Variants in RANBP3 observed in about 807,000 individuals in gnomAD.
RANBP3 encodes the protein RAN binding protein 3.
RANBP3 carries 14 observed loss-of-function variants against 77.3 expected under a neutral mutation model. The observed-to-expected ratio is 0.18, with a 90% CI of 0.12 to 0.28. RANBP3 has a LOEUF of 0.28. Among genes scored for constraint, RANBP3 ranks in the 10% least tolerant of loss-of-function variants. The pLI, the probability that RANBP3 is intolerant of heterozygous loss-of-function variation, is 1.00. For missense variants in RANBP3, 586 were observed against 752.3 expected, an observed-to-expected ratio of 0.78 and a Z score of 2.59; for synonymous variants, 315 against 312.4, an observed-to-expected ratio of 1.01 and a Z score of -0.09.
At chr19:5,936,887 C>T (rs908558894) in intron 5 of RANBP3, among the ~76,000 whole-genome samples, 3 of 151,632 alleles carry the variant, frequency 2.0e-5, no homozygotes, top group East Asian at 1.9e-4. Flanking sequence ...CACTAATCAA[C>T]GCGGCAGGGA....
chr19:5,960,701 C>A (rs539012467), intron 1 of RANBP3, among the ~76,000 whole-genome samples: 1 of 152,160 alleles, frequency 6.6e-6, no homozygotes, highest in Non-Finnish European at 1.5e-5. Flanking sequence ...GAGAGGAGTG[C>A]GCGCTGGTGT....
At chr19:5,923,549 C>CG (rs577793017) in intron 12 of RANBP3, among the ~76,000 whole-genome samples, 22 of 152,222 alleles carry the variant, frequency 1.4e-4, no homozygotes, top group African/African-American at 5.1e-4. Context: ...GAGCAGTCGA[C>CG]GGGGGGACAG....
intron 7 of RANBP3, 53 bp from the exon 8 acceptor site, chr19:5,931,584 C>G (rs996070357): frequency 6.4e-7 from 1 of 1,563,404 alleles, no homozygotes; most frequent in Non-Finnish European, 8.7e-7. Flanking sequence ...GCCCTCCCAC[C>G]CCCACTCACA....
intron 13 of RANBP3, among the ~76,000 whole-genome samples, chr19:5,922,723 T>C (rs1393899341): frequency 6.6e-6 from 1 of 152,160 alleles, no homozygotes; most frequent in South Asian, 2.1e-4. Flanking sequence ...GTGGATCACA[T>C]GAGGTCAGGA....
Position 5,931,477 on chromosome 19 carries a change from A to T in RANBP3, c.620T>A (p.Val207Glu). 6.2e-7 allele frequency: 1 copy of T among 1,612,886 alleles called. No individual in the cohort carries two copies. Among genetic ancestry groups the T allele is most frequent in the Non-Finnish European group, 8.5e-7 (1 of 1,179,580 alleles). The change falls in exon 8 of 17, where the codon GTG (valine) becomes GAG (glutamate). Residue 207 changes from valine (V) to glutamate (E), a missense_variant. Val to Glu is a moderately radical substitution (Grantham distance 121, BLOSUM62 -2). Coordinates refer to ENST00000340578, the MANE Select transcript of RANBP3 (RefSeq NM_007322.3). ...VSLPADCTGA[V>E]PAASPDTAAW... ...AGCAGTGTCAGGGGATGCTGCGGGCACTGCCCCCGTGCAGTCTGCTGGGAG... is the reference window on the plus strand; with the variant it reads ...AGCAGTGTCAGGGGATGCTGCGGGCTCTGCCCCCGTGCAGTCTGCTGGGAG...
intron 1 of RANBP3, among the ~76,000 whole-genome samples, chr19:5,970,312 C>A (rs2058515421): frequency 1.3e-5 from 2 of 152,044 alleles, no homozygotes; most frequent in African/African-American, 2.4e-5. Context: ...AGGGTGACCC[C>A]CCACCCTGGC....
intron 14 of RANBP3, among the ~76,000 whole-genome samples, chr19:5,919,764 G>A (rs2057792898): frequency 1.3e-5 from 2 of 152,258 alleles, no homozygotes; most frequent in Admixed American, 1.3e-4. Context: ...AGCCAGGCTT[G>A]GTGGCGGGTG....
At chr19:5,926,068 G>A (rs1336024531) in intron 9 of RANBP3, among the ~76,000 whole-genome samples, 1 of 152,124 alleles carries the variant, frequency 6.6e-6, no homozygotes, top group Admixed American at 6.5e-5. Context: ...ACGTTACAAA[G>A]CTGACGTTTT....
At chr19:5,933,675 A>AAGGGCAGG in intron 5 of RANBP3, 196 bp from the exon 6 acceptor site, 1 of 531,440 alleles carries the variant, frequency 1.9e-6, no homozygotes. Flanking sequence ...GGGGAGAGAC[A>AAGGGCAGG]AGGGCAGGAG....
intron 16 of RANBP3, 22 bp downstream of exon 16, chr19:5,917,772 G>A (rs1390530692): frequency 2.5e-6 from 4 of 1,598,642 alleles, no homozygotes; most frequent in Non-Finnish European, 3.4e-6. Context: ...ATCCCCCCCA[G>A]GGTAGGGACC....
chr19:5,925,235 A>T, intron 10 of RANBP3: 2 of 477,484 alleles, frequency 4.2e-6, no homozygotes, highest in South Asian at 4.3e-5. Flanking sequence ...ACCCCCAGCC[A>T]TGTCAGTCAA....
intron 2 of RANBP3, among the ~76,000 whole-genome samples, chr19:5,953,001 A>G (rs2058293772): frequency 6.6e-6 from 1 of 152,186 alleles, no homozygotes; most frequent in African/African-American, 2.4e-5. Flanking sequence ...TCTAATTAGA[A>G]CCACTTGAAT....
chr19:5,923,619 G>A (rs529151615), intron 12 of RANBP3, among the ~76,000 whole-genome samples, 193 bp downstream of exon 12: 8 of 152,306 alleles, frequency 5.3e-5, no homozygotes, highest in East Asian at 3.9e-4. Context: ...GCCACAAGGC[G>A]ACACAGGCCC....
Position 5,959,269 on chromosome 19 carries a change from G to T in RANBP3, c.23-1296C>A, listed in dbSNP as rs1396272127. The stretch of plus-strand genomic sequence containing the variant: ...TTTAGGTTGAAAGCAAACAGTTTGG[G>T]GAAGGGAGTGAGAGTGGCTGTGGGG... On this transcript the variant is annotated intron_variant, in intron 1 of 16. Coordinates refer to ENST00000340578, the MANE Select transcript of RANBP3 (RefSeq NM_007322.3). The surrounding 1 kb of genome is among the most constrained non-coding windows in gnomAD (Gnocchi z 5.1). Among the ~76,000 whole-genome samples the T allele has an allele frequency of 1.3e-5, 2 of 152,124 alleles. No homozygotes were observed. The highest frequency in any genetic ancestry group is 2.4e-5 in the African/African-American group (1 of 41,416).
Position 5,917,526 on chromosome 19 carries a change from G to T in RANBP3, c.*84C>A. On this transcript the variant is annotated 3_prime_UTR_variant, in exon 17 of 17. Transcript: ENST00000340578. ...TGTGTGGTTCCCGGCCCCGCACCTG[G>T]ACGCTGCCGGTGGGGTGGGGGCGGG... 1 of 1,445,986 alleles carries T rather than the reference G, an allele frequency of 6.9e-7. No individual in the cohort carries two copies. The highest frequency in any genetic ancestry group is 9.2e-7 in the Non-Finnish European group (1 of 1,085,982). The allele number at this position is 1,445,986 out of a possible 1,614,324, so 89.6% of individuals were successfully genotyped here.
intron 8 of RANBP3, among the ~76,000 whole-genome samples, chr19:5,929,588 G>A (rs1359710105): frequency 6.6e-6 from 1 of 152,196 alleles, no homozygotes; most frequent in Non-Finnish European, 1.5e-5. Context: ...TGTGTGTGTG[G>A]GGCGGGAGGG....
At chr19:5,945,912 C>T (rs74174361) in intron 3 of RANBP3, among the ~76,000 whole-genome samples, 1 of 152,054 alleles carries the variant, frequency 6.6e-6, no homozygotes, top group African/African-American at 2.4e-5. Flanking sequence ...CACCCACCAC[C>T]TCCAACCTGC....
At chr19:5,965,345 G>A (rs528222505) in intron 1 of RANBP3, among the ~76,000 whole-genome samples, 2 of 152,258 alleles carry the variant, frequency 1.3e-5, no homozygotes, top group East Asian at 3.9e-4. Flanking sequence ...AAGGAGGAGG[G>A]CGGTTTCAAC....
intron 1 of RANBP3, among the ~76,000 whole-genome samples, chr19:5,967,135 A>G (rs1019464998): frequency 6.6e-6 from 1 of 152,222 alleles, no homozygotes; most frequent in African/African-American, 2.4e-5. Context: ...TTGCTAGGTG[A>G]TGCCTCTGCG....
Sources: allele counts gnomAD v4.1 joint callset (sites outside exome capture counted in the v4.1 genomes callset), GRCh38; gene constraint gnomAD v4.1.1; non-coding constraint Gnocchi (gnomAD v3.1); transcripts MANE v1.5; gene names NCBI Gene and HGNC (gene_info 2026-07-23, HGNC 2026-07-21).